The following GRIK3 variants were observed in gnomAD, a reference collection of about 807,000 sequenced individuals.
The protein encoded by GRIK3 is glutamate ionotropic receptor kainate type subunit 3, also known as glutamate receptor ionotropic, kainate 3.
Under a neutral mutation model 102.5 loss-of-function variants are expected in GRIK3, and 29 were observed. The ratio of observed to expected loss-of-function variants is 0.28; its 90% CI spans 0.21 to 0.39. The LOEUF is 0.39. Ranked by LOEUF, GRIK3 falls within the 10% of genes least tolerant of loss-of-function variation. GRIK3 has a pLI of 1.00. For synonymous variants in GRIK3, 511 were observed against 504.9 expected (o/e 1.01, Z -0.16); for missense variants, 908 against 1,252.4 (o/e 0.73, Z 4.15).
At chr1:36,869,860 T>G in intron 4 of GRIK3, 59 bp from the exon 5 acceptor site, 1 of 1,220,318 alleles carries the variant, frequency 8.2e-7, no homozygotes, top group Non-Finnish European at 1.2e-6. Context: ...CCTCCCCACA[T>G]CCCCACCCAG....
chr1:36,830,155 G>A (rs1217318507), intron 10 of GRIK3, among the ~76,000 whole-genome samples: 1 of 152,198 alleles, frequency 6.6e-6, no homozygotes, highest in East Asian at 1.9e-4. Context: ...TGCTGCCTAT[G>A]CCTATGCCAT....
intron 1 of GRIK3, among the ~76,000 whole-genome samples, chr1:36,916,650 G>A (rs759550455): frequency 1.8e-4 from 27 of 152,182 alleles, no homozygotes; most frequent in South Asian, 4.1e-4. Flanking sequence ...TTGCTTCAAC[G>A]GGTGGAAGCC....
intron 3 of GRIK3, among the ~76,000 whole-genome samples, chr1:36,874,150 C>T (rs1322688404): frequency 6.6e-6 from 1 of 152,196 alleles, no homozygotes; most frequent in African/African-American, 2.4e-5. Context: ...CCTGACCTCA[C>T]TCAGATAGCC....
chr1:36,853,788 A>G (rs1640616039), intron 7 of GRIK3, 66 bp from the exon 8 acceptor site: 1 of 867,274 alleles, frequency 1.2e-6, no homozygotes, highest in African/African-American at 1.6e-5. Flanking sequence ...GTACAACTGT[A>G]CAATGCTTCA....
rs1328997305 is a variant in GRIK3 at position 36,798,852 on chromosome 1, G to A, written c.*2999C>T. On this transcript the variant is annotated 3_prime_UTR_variant, in exon 16 of 16. Transcript: ENST00000373091. ...AAAGACCAGTCGGTACATTTTGGGGGGTTTCTCGAATTGAATTCTGCCTCT... is the reference window on the plus strand; with the variant it reads ...AAAGACCAGTCGGTACATTTTGGGGAGTTTCTCGAATTGAATTCTGCCTCT... The A allele has an allele frequency of 3.3e-5, 5 of 152,158 alleles. No individual in the cohort carries two copies. The highest frequency in any genetic ancestry group is 6.5e-5 in the Admixed American group (1 of 15,268). 9.4% of individuals were successfully genotyped at this position (152,158 alleles called of 1,614,324 possible).
intron 10 of GRIK3, among the ~76,000 whole-genome samples, chr1:36,830,582 G>T (rs1640262889): frequency 6.6e-6 from 1 of 152,058 alleles, no homozygotes; most frequent in Non-Finnish European, 1.5e-5. Flanking sequence ...GGCCAAGGTG[G>T]GTGGATTGCC....
intron 3 of GRIK3, among the ~76,000 whole-genome samples, chr1:36,878,794 G>C (rs1456106825): frequency 6.6e-6 from 1 of 152,334 alleles, no homozygotes; most frequent in Non-Finnish European, 1.5e-5. Flanking sequence ...TTGGGACTCA[G>C]TTTCCTCATT....
At chr1:36,940,217 C>T (rs1641703833) in intron 1 of GRIK3, among the ~76,000 whole-genome samples, 1 of 152,250 alleles carries the variant, frequency 6.6e-6, no homozygotes, top group Admixed American at 6.5e-5. Flanking sequence ...GCAGAAGCAG[C>T]CCAACCCCCA....
chr1:36,804,364 C>G (rs991778082), intron 15 of GRIK3, among the ~76,000 whole-genome samples: 1 of 152,160 alleles, frequency 6.6e-6, no homozygotes, highest in African/African-American at 2.4e-5. Context: ...AACAGAGAGT[C>G]TCTGGGAGTG....
intron 1 of GRIK3, among the ~76,000 whole-genome samples, chr1:36,993,693 C>T (rs1642386113): frequency 6.6e-6 from 1 of 152,086 alleles, no homozygotes. Flanking sequence ...TGGGTTAGTC[C>T]CCTAGAGCCA....
chr1:36,884,071 G>A (rs1003742528), intron 2 of GRIK3, among the ~76,000 whole-genome samples: 2 of 152,174 alleles, frequency 1.3e-5, no homozygotes, highest in Admixed American at 6.5e-5. Context: ...CCAGTACAGA[G>A]GGTATCTCCT....
chr1:36,863,124 G>A (rs1300643328), intron 5 of GRIK3, among the ~76,000 whole-genome samples: 1 of 152,166 alleles, frequency 6.6e-6, no homozygotes, highest in Non-Finnish European at 1.5e-5. Context: ...CATTTTAGAG[G>A]AAAGAACTGA....
chr1:37,010,452 G>A (rs1642581998), intron 1 of GRIK3, among the ~76,000 whole-genome samples: 1 of 152,220 alleles, frequency 6.6e-6, no homozygotes, highest in Admixed American at 6.5e-5. Context: ...GCACAGTCAG[G>A]AAGTGGTGGA....
intron 1 of GRIK3, among the ~76,000 whole-genome samples, chr1:37,017,360 CCT>C (rs1301135590): frequency 3.5e-5 from 4 of 113,642 alleles, no homozygotes. Flanking sequence ...ATAGTGAGAC[CCT>C]GTCTCTTAAA....
chr1:36,817,230 T>G lies in GRIK3; in HGVS notation c.1921A>C (p.Ile641Leu). The change falls in exon 13 of 16, where the codon ATC becomes CTC. Residue 641 changes from isoleucine (I) to leucine (L), a missense_variant. Physicochemically the swap from Ile to Leu is conservative, Grantham distance 5. This residue lies in a region of GRIK3 where 26 missense variants were observed against 64.8 expected (regional missense o/e 0.40). Transcript: ENST00000373091. ...KALSTRIIGG[I>L]WWFFTLIIIS... ...ATGATGAGCGTGAAGAACCACCAGA[T>G]GCCACCAATGATGCGTGTGGACAGG... is the stretch of plus-strand genomic sequence containing the variant. 6.2e-7 allele frequency: 1 copy of G among 1,613,950 alleles called. No individual in the cohort carries two copies. Among genetic ancestry groups the G allele is most frequent in the Non-Finnish European group, 8.5e-7 (1 of 1,179,864 alleles).
chr1:36,922,752 G>A (rs761363924), intron 1 of GRIK3, among the ~76,000 whole-genome samples: 1 of 152,200 alleles, frequency 6.6e-6, no homozygotes, highest in African/African-American at 2.4e-5. Context: ...GGTTCCGGGA[G>A]GTGCGGCTGC....
At chr1:36,988,951 G>A (rs1037413973) in intron 1 of GRIK3, among the ~76,000 whole-genome samples, 4 of 152,086 alleles carry the variant, frequency 2.6e-5, no homozygotes, top group African/African-American at 9.7e-5. Flanking sequence ...GTACAGGCCC[G>A]AGCTGGTGGA....
chr1:36,798,154 A>G lies in GRIK3; in HGVS notation c.*3697T>C, dbSNP rs1451778903. ...CAGGATTTTCTTCTGTCCAGAGCAG[A>G]GAAACCAGCAGCAGGACAAGGGGAG... On this transcript the variant is annotated 3_prime_UTR_variant, in exon 16 of 16. Transcript: ENST00000373091. 1.3e-5 allele frequency: 2 copies of G among 152,352 alleles called. No homozygotes were observed. Among genetic ancestry groups the G allele is most frequent in the Non-Finnish European group, 2.9e-5 (2 of 68,138 alleles). The allele number at this position is 152,352 out of a possible 1,614,324, so 9.4% of individuals were successfully genotyped here.
chr1:36,830,337 A>C (rs1640244769), intron 10 of GRIK3, among the ~76,000 whole-genome samples: 1 of 151,734 alleles, frequency 6.6e-6, no homozygotes, highest in South Asian at 2.1e-4. Flanking sequence ...CATGCAAGCC[A>C]CATGTAGTGG....
Sources: gnomAD v4.1 joint callset for allele counts (sites outside exome capture counted in the v4.1 genomes callset) on GRCh38, gnomAD v4.1.1 for gene constraint, gnomAD v4.1.1 regional missense constraint, MANE v1.5 for transcripts, NCBI Gene and HGNC (gene_info 2026-07-23, HGNC 2026-07-21) for gene names.